PUDP: variants seen among roughly 807,000 people sequenced by gnomAD.
PUDP encodes the protein pseudouridine 5'-phosphatase.
PUDP carries 8 observed loss-of-function variants against 9.4 expected under a neutral mutation model. The observed-to-expected ratio is 0.85, with a 90% CI of 0.50 to 1.53. The LOEUF (loss-of-function observed/expected upper bound fraction) is 1.53. Among genes scored for constraint, PUDP ranks in the 40% most tolerant of loss-of-function variants. The pLI is 0.00. For synonymous variants in PUDP, 99 were observed against 80.7 expected, an observed-to-expected ratio of 1.23 and a Z score of -1.22; for missense variants, 188 against 189.7, an observed-to-expected ratio of 0.99 and a Z score of 0.05.
intron 1 of PUDP, among the ~76,000 whole-genome samples, chrX:7,023,534 T>G (rs187504164): frequency 8.9e-6 from 1 of 112,502 alleles, no homozygotes. Context: ...TTTATTTGTA[T>G]GTATTATTTG....
intron 3 of PUDP, among the ~76,000 whole-genome samples, chrX:6,911,480 C>A (rs970786726): frequency 8.9e-6 from 1 of 111,814 alleles, no homozygotes; most frequent in African/African-American, 3.3e-5. Flanking sequence ...AGGCGTGAGC[C>A]ACCGTGCCTG....
intron 3 of PUDP, among the ~76,000 whole-genome samples, chrX:6,934,058 G>T (rs2052314389): frequency 1.0e-5 from 1 of 98,915 alleles, no homozygotes; most frequent in Admixed American, 1.2e-4. Flanking sequence ...AAAACACTCT[G>T]CAGGGTATTA....
chrX:6,947,074 C>T (rs768089522), intron 3 of PUDP, among the ~76,000 whole-genome samples: 47 of 107,626 alleles, frequency 4.4e-4, no homozygotes, highest in Non-Finnish European at 7.9e-4. Flanking sequence ...CATCTTGGCT[C>T]ACTGCAACCT....
intron 3 of PUDP, among the ~76,000 whole-genome samples, chrX:6,916,153 G>A (rs1351220936): frequency 9.7e-6 from 1 of 103,351 alleles, no homozygotes; most frequent in African/African-American, 3.5e-5. Context: ...TCATGTCAAT[G>A]CATTTCTACC....
chrX:7,108,425 T>G (rs955931311), intron 1 of PUDP, among the ~76,000 whole-genome samples: 1 of 111,874 alleles, frequency 8.9e-6, no homozygotes, highest in Non-Finnish European at 1.9e-5. Context: ...TATTGTGGAC[T>G]GGGCTCTTCC....
intron 3 of PUDP, among the ~76,000 whole-genome samples, chrX:6,898,047 T>C (rs72609586): frequency 0.066 from 7,431 of 112,034 alleles, 361 homozygotes; most frequent in East Asian, 0.33. Context: ...CCAATATTAT[T>C]ATTCAGGGTA....
chrX:7,092,450 A>AT (rs1294669749), intron 2 of PUDP, among the ~76,000 whole-genome samples: 1 of 110,598 alleles, frequency 9.0e-6, no homozygotes, highest in South Asian at 3.8e-4. Flanking sequence ...CCTATTGTCA[A>AT]TTTTTTTTTG....
intron 1 of PUDP, among the ~76,000 whole-genome samples, chrX:7,022,184 T>A (rs1428547144): frequency 9.0e-6 from 1 of 111,544 alleles, no homozygotes; most frequent in African/African-American, 3.3e-5. Context: ...AGTCCACAGC[T>A]GTTTTAACCA....
At chrX:6,789,786 T>C (rs925271655) in intron 3 of PUDP, among the ~76,000 whole-genome samples, 20 of 50,102 alleles carry the variant, frequency 4.0e-4, no homozygotes, top group Non-Finnish European at 6.7e-4. Context: ...GATAGAGAGA[T>C]AGATAGATAG....
rs1407197559 is a variant in PUDP at position 7,014,759 on chromosome X, C to A, written c.205-36416G>T. On this transcript the variant is annotated intron_variant and NMD_transcript_variant, in intron 1 of 3. Coordinates refer to the PUDP transcript ENST00000655425. ...CCAAAAAATTAGAGATTAATCTTAT[C>A]TAGAAAATTCTAGAAACAGAATGAA... Among the ~76,000 whole-genome samples the A allele has an allele frequency of 3.6e-5, 4 of 111,652 alleles. No homozygotes were observed. In the South Asian group the frequency reaches 1.1e-3, roughly 31 times the overall value.
At chrX:6,977,441 T>C (rs763976010) in intron 2 of PUDP, among the ~76,000 whole-genome samples, 1 of 112,450 alleles carries the variant, frequency 8.9e-6, no homozygotes, top group East Asian at 2.8e-4. Flanking sequence ...ATTTCTGTGT[T>C]GACATGTACC....
intron 3 of PUDP, among the ~76,000 whole-genome samples, chrX:6,797,012 A>C (rs1193006528): frequency 1.8e-5 from 2 of 112,099 alleles, no homozygotes; most frequent in Non-Finnish European, 3.8e-5. Context: ...ATAATTTTCA[A>C]CCTAAGTGAG....
At chrX:6,745,302 C>T (rs1204075135) in intron 3 of PUDP, among the ~76,000 whole-genome samples, 1 of 112,440 alleles carries the variant, frequency 8.9e-6, no homozygotes, top group Admixed American at 9.5e-5. Flanking sequence ...TCTTAACTCA[C>T]ATATGGGGTC....
In PUDP at chrX:7,050,419, C is replaced by T. The variant is rs745826544; in HGVS notation, c.564G>A (p.Gly188=). The T allele has an allele frequency of 1.7e-6, 2 of 1,211,349 alleles. No individual in the cohort carries two copies. The highest frequency in any genetic ancestry group is 4.3e-5 in the Admixed American group (2 of 46,078). Residue 188 remains glycine, a synonymous_variant, in exon 4 of 4, where the codon GGG becomes GGA. Coordinates refer to ENST00000381077, the MANE Select transcript of PUDP (RefSeq NM_012080.5). The stretch of plus-strand genomic sequence containing the variant: ...CGTCAGGAACCATGACCACCTGCAT[C>T]CCAGCTGCCAGGGCCGCCTCCACCC... ...PNGVEAALAA[G]MQVVMVPDGN...
At chrX:7,122,285 A>T (rs1180698651) in intron 1 of PUDP, among the ~76,000 whole-genome samples, 1 of 110,748 alleles carries the variant, frequency 9.0e-6, no homozygotes, top group African/African-American at 3.3e-5. Flanking sequence ...CATAATGAAG[A>T]GGAAAAAGCC....
chrX:6,919,439 G>A (rs1927984289), intron 3 of PUDP, among the ~76,000 whole-genome samples: 2 of 111,406 alleles, frequency 1.8e-5, no homozygotes, highest in Non-Finnish European at 3.8e-5. Flanking sequence ...AACTCTAAGC[G>A]CTTGCCAAGT....
intron 1 of PUDP, among the ~76,000 whole-genome samples, chrX:6,714,953 A>G (rs1350575839): frequency 9.3e-6 from 1 of 107,230 alleles, no homozygotes; most frequent in Non-Finnish European, 1.9e-5. Flanking sequence ...CAGGAGATAG[A>G]TATAGATATG....
At chrX:7,051,537 A>G (rs1930100753) in intron 3 of PUDP, among the ~76,000 whole-genome samples, 1 of 111,795 alleles carries the variant, frequency 8.9e-6, no homozygotes, top group African/African-American at 3.3e-5. Context: ...AATAAAAATT[A>G]AAATTAAAAA....
chrX:6,954,746 A>G (rs1204817117), intron 3 of PUDP, among the ~76,000 whole-genome samples: 1 of 112,353 alleles, frequency 8.9e-6, no homozygotes, highest in Non-Finnish European at 1.9e-5. Flanking sequence ...AGTTGCAAAT[A>G]TTGAGCTTCC....
Sources: allele counts gnomAD v4.1 joint callset (sites outside exome capture counted in the v4.1 genomes callset), GRCh38; gene constraint gnomAD v4.1.1; transcripts MANE v1.5; gene names NCBI Gene and HGNC (gene_info 2026-07-23, HGNC 2026-07-21).